The following TRAPPC9 variants were observed in gnomAD, a reference collection of about 807,000 sequenced individuals.
TRAPPC9 encodes trafficking protein particle complex subunit 9, also known as IKK2 binding protein.
In TRAPPC9, 83 loss-of-function variants were observed where a neutral mutation model predicts 124.0. The observed-to-expected ratio is 0.67, with a 90% CI of 0.56 to 0.80. The LOEUF is 0.80. Ranked by LOEUF, TRAPPC9 falls within the 30% of genes least tolerant of loss-of-function variation. The pLI is 0.00. For missense variants in TRAPPC9, 1,302 were observed against 1,508.3 expected, an observed-to-expected ratio of 0.86 and a Z score of 2.27; for synonymous variants, 638 against 617.5, an observed-to-expected ratio of 1.03 and a Z score of -0.49.
chr8:140,254,701 C>T (rs763246879), intron 15 of TRAPPC9, among the ~76,000 whole-genome samples: 1 of 152,198 alleles, frequency 6.6e-6, no homozygotes, highest in Non-Finnish European at 1.5e-5. Flanking sequence ...TCCCACTATC[C>T]CCTTTCTGGG....
chr8:140,456,000 C>T (rs770350751), intron 1 of TRAPPC9, among the ~76,000 whole-genome samples: 1 of 152,172 alleles, frequency 6.6e-6, no homozygotes, highest in South Asian at 2.1e-4. Context: ...CCGGTGGCCG[C>T]CAGGGGCTGT....
chr8:139,955,141 C>A (rs541444222), intron 19 of TRAPPC9, among the ~76,000 whole-genome samples: 5 of 152,122 alleles, frequency 3.3e-5, no homozygotes, highest in African/African-American at 1.2e-4. Context: ...TGAAAGGGGT[C>A]GGATTTCAAA....
At chr8:140,303,790 A>T (rs142578550) in intron 10 of TRAPPC9, among the ~76,000 whole-genome samples, 23 of 152,372 alleles carry the variant, frequency 1.5e-4, no homozygotes, top group African/African-American at 5.0e-4. Context: ...ACAGAGAACA[A>T]GTAAGTATTT....
chr8:140,092,350 G>A (rs956829103), intron 17 of TRAPPC9, among the ~76,000 whole-genome samples: 6 of 151,508 alleles, frequency 4.0e-5, no homozygotes, highest in Non-Finnish European at 8.8e-5. Context: ...GGCGCCCGAT[G>A]CCACGCGAGG....
intron 21 of TRAPPC9, among the ~76,000 whole-genome samples, chr8:139,795,120 G>A (rs1283113723): frequency 1.3e-5 from 2 of 152,182 alleles, no homozygotes; most frequent in East Asian, 1.9e-4. Flanking sequence ...AAGACAACGG[G>A]CAGGCACAAA....
intron 17 of TRAPPC9, among the ~76,000 whole-genome samples, chr8:140,150,696 C>A (rs545635672): frequency 6.6e-6 from 1 of 152,252 alleles, no homozygotes; most frequent in African/African-American, 2.4e-5. Context: ...CTGGGCAGCA[C>A]CCACATCCCA....
intron 17 of TRAPPC9, among the ~76,000 whole-genome samples, chr8:140,053,297 A>G (rs1160894334): frequency 6.6e-6 from 1 of 152,362 alleles, no homozygotes. Context: ...CAAAGCTACC[A>G]GCACCAGGAT....
At chr8:140,035,868 A>G (rs1587551457) in intron 17 of TRAPPC9, among the ~76,000 whole-genome samples, 1 of 152,140 alleles carries the variant, frequency 6.6e-6, no homozygotes, top group African/African-American at 2.4e-5. Context: ...TGCAGGAGAA[A>G]CCTGGCGTCT....
At chr8:139,813,223 AC>A (rs1272948187) in intron 21 of TRAPPC9, among the ~76,000 whole-genome samples, 1 of 152,180 alleles carries the variant, frequency 6.6e-6, no homozygotes, top group Non-Finnish European at 1.5e-5. Context: ...CATCTGTGTG[AC>A]CTAGAGTAAG....
chr8:140,041,197 T>C (rs1841256099), intron 17 of TRAPPC9, among the ~76,000 whole-genome samples: 2 of 152,122 alleles, frequency 1.3e-5, no homozygotes, highest in South Asian at 2.1e-4. Flanking sequence ...TTTCCATCCC[T>C]GGACCCATGA....
At chr8:139,785,555 C>T (rs1427547269) in intron 21 of TRAPPC9, among the ~76,000 whole-genome samples, 1 of 151,340 alleles carries the variant, frequency 6.6e-6, no homozygotes, top group African/African-American at 2.4e-5. Context: ...CACACACACA[C>T]ACACACACAC....
chr8:140,331,167 T>C (rs1213152175), intron 9 of TRAPPC9, among the ~76,000 whole-genome samples: 1 of 150,674 alleles, frequency 6.6e-6, no homozygotes, highest in African/African-American at 2.4e-5. Flanking sequence ...TATAAACCCA[T>C]GTTTTCACAG....
At chr8:140,060,590 A>G (rs953721939) in intron 17 of TRAPPC9, among the ~76,000 whole-genome samples, 4 of 27,924 alleles carry the variant, frequency 1.4e-4, no homozygotes, top group Non-Finnish European at 2.7e-4. Context: ...ATCCCTACCC[A>G]ACCCTACCCA....
At chr8:140,237,269 T>G (rs1195477095) in intron 16 of TRAPPC9, among the ~76,000 whole-genome samples, 1 of 151,594 alleles carries the variant, frequency 6.6e-6, no homozygotes, top group East Asian at 1.9e-4. Context: ...AATCATCTAG[T>G]AGGGAGACTT....
chr8:140,014,362 A>T (rs1172595156), intron 18 of TRAPPC9, among the ~76,000 whole-genome samples: 2 of 152,178 alleles, frequency 1.3e-5, no homozygotes, highest in African/African-American at 4.8e-5. Flanking sequence ...TGTAAAAAGC[A>T]AATCTCAAAG....
In TRAPPC9 at chr8:140,230,160, G is replaced by A. The variant is rs74356571; in HGVS notation, c.2432-8577C>T. ...CAAGAGCCAACGTCCAACCAAGACTGCATGTGGCACCTGCTGGTAAGAATG... is the reference window on the plus strand; with the variant it reads ...CAAGAGCCAACGTCCAACCAAGACTACATGTGGCACCTGCTGGTAAGAATG... On this transcript the variant is annotated intron_variant, in intron 16 of 22. Coordinates refer to ENST00000438773, the MANE Select transcript of TRAPPC9 (RefSeq NM_001160372.4). Among the ~76,000 whole-genome samples, 1,137 of 152,338 alleles carry A rather than the reference G, an allele frequency of 7.5e-3. 17 individuals carry two copies. Among genetic ancestry groups the A allele is most frequent in the African/African-American group, 0.026 (1,077 of 41,578 alleles).
chr8:140,391,264 T>G (rs1184034098), intron 7 of TRAPPC9, among the ~76,000 whole-genome samples: 1 of 152,186 alleles, frequency 6.6e-6, no homozygotes, highest in Non-Finnish European at 1.5e-5. Flanking sequence ...TCCTGAATAT[T>G]TGGTTTGTGG....
chr8:140,307,571 A>G (rs1315845173), intron 10 of TRAPPC9, among the ~76,000 whole-genome samples: 6 of 152,172 alleles, frequency 3.9e-5, no homozygotes, highest in Admixed American at 2.6e-4. Flanking sequence ...TATGGCATAC[A>G]CTGTTGGCTG....
intron 21 of TRAPPC9, among the ~76,000 whole-genome samples, chr8:139,880,099 A>G (rs1359535169): frequency 6.6e-6 from 1 of 152,188 alleles, no homozygotes. Context: ...GATCCCAAAC[A>G]ATGCTCAAAG....
Sources: gnomAD v4.1 joint callset for allele counts (sites outside exome capture counted in the v4.1 genomes callset) on GRCh38, gnomAD v4.1.1 for gene constraint, MANE v1.5 for transcripts, NCBI Gene and HGNC (gene_info 2026-07-23, HGNC 2026-07-21) for gene names.